PRR14L: variants seen among roughly 807,000 people sequenced by gnomAD.
The protein encoded by PRR14L is protein PRR14L.
A neutral mutation model predicts 155.0 loss-of-function variants in PRR14L; 80 were observed. That is an observed-to-expected ratio of 0.52 (90% CI 0.43 to 0.62). PRR14L has a LOEUF of 0.62. Among genes scored for constraint, PRR14L ranks in the 20% least tolerant of loss-of-function variants. The probability of loss-of-function intolerance (pLI) is 0.00; values close to 1 mark genes in which losing one functional copy is unlikely to be tolerated. For synonymous variants in PRR14L, 883 were observed against 916.0 expected (o/e 0.96, Z 0.65); for missense variants, 2,469 against 2,548.0 (o/e 0.97, Z 0.67).
chr22:31,696,811 C>T (rs1385340713), intron 7 of PRR14L, among the ~76,000 whole-genome samples: 1 of 152,070 alleles, frequency 6.6e-6, no homozygotes, highest in East Asian at 1.9e-4. Context: ...GAGAAGAGTG[C>T]CTTTAGAGAT....
intron 1 of PRR14L, among the ~76,000 whole-genome samples, chr22:31,741,119 G>A (rs1177142897): frequency 1.3e-5 from 2 of 152,032 alleles, no homozygotes; most frequent in Non-Finnish European, 2.9e-5. Flanking sequence ...CAGGCATGAT[G>A]GCGCGCGCCT....
chr22:31,711,363 C>T (rs1007862656), intron 4 of PRR14L, among the ~76,000 whole-genome samples: 22 of 152,108 alleles, frequency 1.4e-4, no homozygotes, highest in African/African-American at 3.4e-4. Flanking sequence ...CCCAGCTACT[C>T]GGGAGGCTAA....
intron 1 of PRR14L, among the ~76,000 whole-genome samples, chr22:31,747,096 G>A (rs1158696026): frequency 2.7e-5 from 4 of 150,438 alleles, no homozygotes; most frequent in East Asian, 3.9e-4. Flanking sequence ...GAGCCACCGC[G>A]CCTGACCCTC....
At chr22:31,731,793 T>G (rs1474288086) in intron 2 of PRR14L, among the ~76,000 whole-genome samples, 1 of 152,114 alleles carries the variant, frequency 6.6e-6, no homozygotes, top group Non-Finnish European at 1.5e-5. Flanking sequence ...TTACTAATAT[T>G]TTCTATTCTT....
chr22:31,738,430 T>G lies in PRR14L; in HGVS notation c.431A>C (p.His144Pro), dbSNP rs1481736309. ...TTCTTCAGCAGCTGTGGAATGTTGA[T>G]GTGGATCTTCCTTTGCTCCCTCAGA... ...EPSEGAKEDP[H>P]QHSTAAEEKT... Residue 144 changes from histidine (H) to proline (P), a missense_variant, in exon 2 of 9, where the codon CAT becomes CCT. Transcript: ENST00000327423. 1 of 1,552,286 alleles carries G rather than the reference T, an allele frequency of 6.4e-7. No individual in the cohort carries two copies. The highest frequency in any genetic ancestry group is 2.4e-5 in the East Asian group (1 of 40,938).
chr22:31,691,659 T>A (rs549321406), intron 7 of PRR14L, among the ~76,000 whole-genome samples: 11 of 152,338 alleles, frequency 7.2e-5, no homozygotes, highest in Admixed American at 7.2e-4. Flanking sequence ...ATGAATCATA[T>A]AGAATGTGCT....
chr22:31,739,729 A>G (rs1361238470), intron 1 of PRR14L, among the ~76,000 whole-genome samples: 1 of 152,210 alleles, frequency 6.6e-6, no homozygotes, highest in Non-Finnish European at 1.5e-5. Flanking sequence ...TAAGAGAGAA[A>G]GAGCTTCCAC....
At chr22:31,739,716 T>C (rs2074802207) in intron 1 of PRR14L, among the ~76,000 whole-genome samples, 1 of 152,180 alleles carries the variant, frequency 6.6e-6, no homozygotes, top group Non-Finnish European at 1.5e-5. Context: ...AGTGGAGGTA[T>C]ATTAAGAGAG....
At chr22:31,698,503 T>G (rs573128327) in intron 7 of PRR14L, among the ~76,000 whole-genome samples, 3 of 146,078 alleles carry the variant, frequency 2.1e-5, no homozygotes, top group East Asian at 2.0e-4. Context: ...AAACAATGAG[T>G]TTTTTTTTTA....
In PRR14L at chr22:31,715,347, C is replaced by T. The variant is rs893214048; in HGVS notation, c.2492G>A (p.Arg831His). The T allele has an allele frequency of 1.7e-5, 27 of 1,551,898 alleles. No homozygotes were observed. Among genetic ancestry groups the T allele is most frequent in the African/African-American group, 4.1e-5 (3 of 73,048 alleles). The change falls in exon 4 of 9, where the codon CGT becomes CAT. Residue 831 changes from arginine (R) to histidine (H), a missense_variant. Around this residue, in one of 2 missense-constraint regions of PRR14L, gnomAD observed 2,363 missense variants for 2,371.6 expected, o/e 1.00. Transcript: ENST00000327423. ...ITKYENAFQH[R>H]DHCCQGTGHS... The stretch of plus-strand genomic sequence containing the variant: ...TCCTGTTCCTTGGCAGCAGTGATCA[C>T]GGTGCTGAAATGCATTTTCATATTT...
At chr22:31,706,586 G>T (rs1314622488) in intron 4 of PRR14L, among the ~76,000 whole-genome samples, 1 of 151,838 alleles carries the variant, frequency 6.6e-6, no homozygotes, top group African/African-American at 2.4e-5. Flanking sequence ...AGGATGCCGG[G>T]TTAATTTTTG....
At chr22:31,749,634 T>C (rs1305064177) in intron 1 of PRR14L, among the ~76,000 whole-genome samples, 1 of 152,156 alleles carries the variant, frequency 6.6e-6, no homozygotes, top group Non-Finnish European at 1.5e-5. Context: ...GGAGTGGGTC[T>C]CCCTCTGCTG....
At chr22:31,722,252 A>T (rs145218937) in intron 3 of PRR14L, among the ~76,000 whole-genome samples, 2,068 of 151,270 alleles carry the variant, frequency 0.014, 16 homozygotes, top group Middle Eastern at 0.024. Context: ...CAACATGGTA[A>T]AACTCCGTCT....
intron 1 of PRR14L, among the ~76,000 whole-genome samples, chr22:31,748,893 C>G (rs1013703): frequency 2.6e-5 from 4 of 151,944 alleles, no homozygotes; most frequent in Admixed American, 2.6e-4. Flanking sequence ...TATTGAACAG[C>G]AGGATCTAAG....
At chr22:31,686,419 A>C (rs1386529470) in intron 8 of PRR14L, among the ~76,000 whole-genome samples, 1 of 146,820 alleles carries the variant, frequency 6.8e-6, no homozygotes, top group Admixed American at 6.9e-5. Context: ...ACTCATCTTT[A>C]AAAAAAAAAC....
At chr22:31,709,254 G>GTT (rs538629760) in intron 4 of PRR14L, among the ~76,000 whole-genome samples, 11 of 134,858 alleles carry the variant, frequency 8.2e-5, no homozygotes, top group Admixed American at 1.5e-4. Context: ...ATTTGTTGTT[G>GTT]TTTTTTTTTT....
intron 7 of PRR14L, among the ~76,000 whole-genome samples, chr22:31,691,534 A>G (rs184944810): frequency 2.1e-4 from 32 of 152,246 alleles, no homozygotes; most frequent in South Asian, 1.2e-3. Context: ...AAACACTTTC[A>G]TAACTCCAAA....
intron 7 of PRR14L, among the ~76,000 whole-genome samples, chr22:31,693,980 A>G (rs2074522974): frequency 6.6e-6 from 1 of 152,332 alleles, no homozygotes; most frequent in Admixed American, 6.5e-5. Flanking sequence ...TCTTTAACAT[A>G]TAAAACACAC....
chr22:31,701,807 TTTTA>T, intron 6 of PRR14L, 45 bp from the exon 7 acceptor site: 4 of 1,460,662 alleles, frequency 2.7e-6, no homozygotes, highest in Non-Finnish European at 3.8e-6. Context: ...CTGTAAGACA[TTTTA>T]TTTATATATT....
Sources: gnomAD v4.1 joint callset for allele counts (sites outside exome capture counted in the v4.1 genomes callset) on GRCh38, gnomAD v4.1.1 for gene constraint, gnomAD v4.1.1 regional missense constraint, MANE v1.5 for transcripts, NCBI Gene and HGNC (gene_info 2026-07-23, HGNC 2026-07-21) for gene names.